The following PPP3CA variants were observed in gnomAD, a reference collection of about 807,000 sequenced individuals.
PPP3CA encodes the protein protein phosphatase 3 catalytic subunit alpha, also known as CAM-PRP catalytic subunit.
A neutral mutation model predicts 66.5 loss-of-function variants in PPP3CA; 14 were observed. The ratio of observed to expected loss-of-function variants is 0.21; its 90% confidence interval spans 0.14 to 0.33. The LOEUF is 0.33. PPP3CA is among the 10% of genes least tolerant of loss of function. The pLI is 1.00. For synonymous variants in PPP3CA, 232 were observed against 226.2 expected (o/e 1.03, Z -0.23); for missense variants, 317 against 639.5 (o/e 0.50, Z 5.44).
chr4:101,332,250 G>A (rs978322787), intron 1 of PPP3CA, among the ~76,000 whole-genome samples: 1 of 152,206 alleles, frequency 6.6e-6, no homozygotes, highest in African/African-American at 2.4e-5. Context: ...AAATACAGAT[G>A]TGCCAGTGAT....
intron 6 of PPP3CA, among the ~76,000 whole-genome samples, chr4:101,089,050 G>C (rs932173711): frequency 1.3e-5 from 2 of 152,130 alleles, no homozygotes; most frequent in African/African-American, 4.8e-5. Context: ...TTAGGTTAAG[G>C]TGAAAATGGA....
chr4:101,032,483 CG>C, intron 11 of PPP3CA, 119 bp from the exon 12 acceptor site: 1 of 778,332 alleles, frequency 1.3e-6, no homozygotes, highest in Admixed American at 2.8e-5. Flanking sequence ...CTTGGCTCTC[CG>C]GATCTTTTTT....
At chr4:101,301,157 T>C (rs905616382) in intron 1 of PPP3CA, among the ~76,000 whole-genome samples, 1 of 151,970 alleles carries the variant, frequency 6.6e-6, no homozygotes, top group Non-Finnish European at 1.5e-5. Flanking sequence ...TATTTGTATA[T>C]AAAATGACTC....
chr4:101,345,386 A>C (rs949154509), intron 1 of PPP3CA, among the ~76,000 whole-genome samples: 1 of 152,196 alleles, frequency 6.6e-6, no homozygotes, highest in African/African-American at 2.4e-5. Flanking sequence ...CTTCACTTTT[A>C]AGTGCTCATG....
At chr4:101,035,869 T>C (rs1727219862) in intron 11 of PPP3CA, among the ~76,000 whole-genome samples, 1 of 152,216 alleles carries the variant, frequency 6.6e-6, no homozygotes, top group Non-Finnish European at 1.5e-5. Flanking sequence ...CCTGAAAGAC[T>C]CTTTGCCCTA....
intron 1 of PPP3CA, among the ~76,000 whole-genome samples, chr4:101,215,354 A>G (rs2110208617): frequency 6.6e-6 from 1 of 152,216 alleles, no homozygotes; most frequent in Non-Finnish European, 1.5e-5. Context: ...GACTTCTCTA[A>G]TATTTGGATG....
intron 2 of PPP3CA, among the ~76,000 whole-genome samples, chr4:101,139,730 G>A (rs1163406016): frequency 6.1e-5 from 6 of 98,176 alleles, no homozygotes; most frequent in Non-Finnish European, 9.8e-5. Context: ...CGTTGTTGCT[G>A]TTTGTTGGGT....
chr4:101,053,566 C>T (rs1375179105), intron 10 of PPP3CA, among the ~76,000 whole-genome samples: 1 of 152,110 alleles, frequency 6.6e-6, no homozygotes, highest in Non-Finnish European at 1.5e-5. Context: ...AATCCTATGC[C>T]TCTGTCACTA....
intron 8 of PPP3CA, among the ~76,000 whole-genome samples, chr4:101,067,505 G>T (rs1314612476): frequency 6.6e-6 from 1 of 151,444 alleles, no homozygotes; most frequent in African/African-American, 2.4e-5. Flanking sequence ...TAAAACAGGG[G>T]GTCTTTCTTA....
At chr4:101,070,942 T>G (rs1728891956) in intron 8 of PPP3CA, among the ~76,000 whole-genome samples, 1 of 152,222 alleles carries the variant, frequency 6.6e-6, no homozygotes, top group African/African-American at 2.4e-5. Flanking sequence ...CATTGGCAAT[T>G]ATCAGTTCCT....
intron 1 of PPP3CA, among the ~76,000 whole-genome samples, chr4:101,282,060 G>C (rs912184093): frequency 2.0e-5 from 3 of 152,132 alleles, no homozygotes; most frequent in African/African-American, 7.2e-5. Context: ...AGCTAGTCCA[G>C]AAAATGAGAA....
intron 2 of PPP3CA, among the ~76,000 whole-genome samples, chr4:101,117,772 G>A (rs1721890561): frequency 6.6e-6 from 1 of 151,708 alleles, no homozygotes; most frequent in Admixed American, 6.6e-5. Context: ...AGTTTGGTCA[G>A]TCCTGGAAAC....
intron 2 of PPP3CA, among the ~76,000 whole-genome samples, chr4:101,192,973 C>T (rs1354239493): frequency 6.6e-6 from 1 of 152,146 alleles, no homozygotes; most frequent in African/African-American, 2.4e-5. Context: ...ATGTAATAAT[C>T]AAGGAGCACT....
chr4:101,121,920 A>G (rs1722044530), intron 2 of PPP3CA, among the ~76,000 whole-genome samples: 1 of 151,990 alleles, frequency 6.6e-6, no homozygotes, highest in South Asian at 2.1e-4. Context: ...TTGACCATGG[A>G]CTTTTCTCTG....
intron 1 of PPP3CA, among the ~76,000 whole-genome samples, chr4:101,284,311 TA>T (rs1159778538): frequency 6.6e-6 from 1 of 152,122 alleles, no homozygotes; most frequent in Non-Finnish European, 1.5e-5. Flanking sequence ...CTTCAAAACT[TA>T]AAAGTTTACT....
At chr4:101,054,193 T>C (rs967316724) in intron 10 of PPP3CA, among the ~76,000 whole-genome samples, 2 of 151,296 alleles carry the variant, frequency 1.3e-5, no homozygotes, top group African/African-American at 4.9e-5. Flanking sequence ...ATCATTTTTT[T>C]AGATGAGGAA....
chr4:101,164,886 C>T (rs1445045696), intron 2 of PPP3CA, among the ~76,000 whole-genome samples: 1 of 151,928 alleles, frequency 6.6e-6, no homozygotes, highest in East Asian at 1.9e-4. Flanking sequence ...AATGGTTCTA[C>T]CAGAGATAAA....
At chr4:101,132,915 T>C (rs189705956) in intron 2 of PPP3CA, among the ~76,000 whole-genome samples, 2 of 152,310 alleles carry the variant, frequency 1.3e-5, no homozygotes, top group African/African-American at 4.8e-5. Context: ...TAAAGTCAGC[T>C]TCATCCCTGG....
intron 1 of PPP3CA, among the ~76,000 whole-genome samples, chr4:101,345,352 C>CCTGGT (rs1729947713): frequency 6.6e-6 from 1 of 152,204 alleles, no homozygotes; most frequent in African/African-American, 2.4e-5. Context: ...ACTTGTGTAT[C>CCTGGT]ATGGTCTTTG....
Sources: allele counts gnomAD v4.1 joint callset (sites outside exome capture counted in the v4.1 genomes callset), GRCh38; gene constraint gnomAD v4.1.1; transcripts MANE v1.5; gene names NCBI Gene and HGNC (gene_info 2026-07-23, HGNC 2026-07-21).